NFIA: variants seen among roughly 807,000 people sequenced by gnomAD.
NFIA encodes the protein nuclear factor I A, also known as nuclear factor 1 A-type.
In NFIA, 8 loss-of-function variants were observed where a neutral mutation model predicts 62.8. That is an observed-to-expected ratio of 0.13 (90% CI 0.07 to 0.23). The LOEUF (loss-of-function observed/expected upper bound fraction) is 0.23. Among genes scored for constraint, NFIA ranks in the 10% least tolerant of loss-of-function variants. NFIA has a pLI of 1.00. For synonymous variants in NFIA, 235 were observed against 238.1 expected (o/e 0.99, Z 0.12); for missense variants, 410 against 642.1 (o/e 0.64, Z 3.91).
At chr1:61,294,633 G>A (rs1011943473) in intron 3 of NFIA, among the ~76,000 whole-genome samples, 8 of 152,210 alleles carry the variant, frequency 5.3e-5, no homozygotes, top group African/African-American at 9.6e-5. Context: ...AGTGGATTGC[G>A]AACTCCATGA....
Position 61,088,334 on chromosome 1 carries a change from G to C in NFIA, c.213G>C (p.Trp71Cys). Reference sequence around the variant, plus strand: ...AAAAACCAGAGGTCAAGCAGAAGTGGGCATCTCGACTTCTGGCAAAGTTGC... The same window carrying C: ...AAAAACCAGAGGTCAAGCAGAAGTGCGCATCTCGACTTCTGGCAAAGTTGC... ...LSEKPEVKQK[W>C]ASRLLAKLRK... The change falls in exon 2 of 11, where the codon TGG becomes TGC. Residue 71 changes from tryptophan (W) to cysteine (C), a missense_variant. Trp to Cys is a radical substitution (Grantham distance 215). This residue lies in a region of NFIA where 86 missense variants were observed against 124.6 expected (regional missense o/e 0.69). Transcript: ENST00000403491. The surrounding 1 kb of genome is among the most constrained non-coding windows in gnomAD (Gnocchi z 4.5). 6.2e-7 allele frequency: 1 copy of C among 1,613,330 alleles called. No homozygotes were observed. The highest frequency in any genetic ancestry group is 8.5e-7 in the Non-Finnish European group (1 of 1,179,882).
intron 6 of NFIA, among the ~76,000 whole-genome samples, chr1:61,371,630 C>T (rs553564103): frequency 6.6e-6 from 1 of 152,286 alleles, no homozygotes; most frequent in East Asian, 1.9e-4. Context: ...AAGCTATAGA[C>T]ATAGATAAAG....
chr1:61,295,211 G>A (rs1291615594), intron 3 of NFIA, among the ~76,000 whole-genome samples: 1 of 152,188 alleles, frequency 6.6e-6, no homozygotes, highest in Non-Finnish European at 1.5e-5. Context: ...AGAGGTGGCT[G>A]TAACTAGTCA....
chr1:61,202,170 G>A (rs566126619), intron 2 of NFIA, among the ~76,000 whole-genome samples: 2 of 152,244 alleles, frequency 1.3e-5, no homozygotes, highest in African/African-American at 4.8e-5. Flanking sequence ...TCTGGTAAGA[G>A]GGAATTAAAG....
At chr1:61,085,618 G>A (rs2100409720) in intron 1 of NFIA, among the ~76,000 whole-genome samples, 1 of 151,804 alleles carries the variant, frequency 6.6e-6, no homozygotes, top group South Asian at 2.1e-4. Context: ...TTTCTTGCAA[G>A]CTAATGATAC....
chr1:61,293,613 C>G (rs925308874), intron 3 of NFIA, among the ~76,000 whole-genome samples: 1 of 151,598 alleles, frequency 6.6e-6, no homozygotes, highest in Non-Finnish European at 1.5e-5. Context: ...AATGTGACTT[C>G]TTTGGCATCC....
At chr1:61,259,255 C>CT (rs1656607876) in intron 2 of NFIA, among the ~76,000 whole-genome samples, 1 of 152,144 alleles carries the variant, frequency 6.6e-6, no homozygotes, top group Non-Finnish European at 1.5e-5. Context: ...AAAATGTATA[C>CT]TTTTTTGTAA....
At chr1:61,113,039 T>A (rs969392039) in intron 2 of NFIA, among the ~76,000 whole-genome samples, 7 of 152,168 alleles carry the variant, frequency 4.6e-5, no homozygotes, top group Admixed American at 3.3e-4. Context: ...GAATGAAAAT[T>A]TCTCCTTAAA....
At chr1:61,327,015 T>C (rs2100380336) in intron 3 of NFIA, among the ~76,000 whole-genome samples, 1 of 140,508 alleles carries the variant, frequency 7.1e-6, no homozygotes, top group African/African-American at 2.5e-5. Flanking sequence ...GCAAGCATTC[T>C]TTCTTTTTAA....
rs1656192475 is a variant in NFIA, at chr1:61,253,683, A to G, written c.560-23837A>G. On this transcript the variant is annotated intron_variant, in intron 2 of 10. Coordinates refer to ENST00000403491, the MANE Select transcript of NFIA (RefSeq NM_001134673.4). ...GTCTGCCTTCATGAAGACAAACCCTAATAGCCAAAGGACTGAAAGTTTGCC... is the reference window on the plus strand; with the variant it reads ...GTCTGCCTTCATGAAGACAAACCCTGATAGCCAAAGGACTGAAAGTTTGCC... 2.6e-5 allele frequency among the ~76,000 whole-genome samples: 4 copies of G among 152,196 alleles called. No homozygotes were observed. In the South Asian group the frequency reaches 6.2e-4, roughly 24 times the overall value.
chr1:61,142,131 C>T (rs1447442647), intron 2 of NFIA, among the ~76,000 whole-genome samples: 1 of 151,974 alleles, frequency 6.6e-6, no homozygotes, highest in Non-Finnish European at 1.5e-5. Context: ...CATGCTAATG[C>T]ATGCATTTAG....
Position 61,460,256 on chromosome 1 carries a change from A to G in NFIA, c.*4936A>G, listed in dbSNP as rs147439538. On this transcript the variant is annotated 3_prime_UTR_variant, in exon 11 of 11. Coordinates refer to ENST00000403491, the MANE Select transcript of NFIA (RefSeq NM_001134673.4). The stretch of plus-strand genomic sequence containing the variant: ...TGCATTCGTCTAATTAGCGTCGTGT[A>G]TGTTTTCCTTTTATTTTTTCCAATA... 2.0e-5 allele frequency: 3 copies of G among 152,334 alleles called. No individual in the cohort carries two copies. Among genetic ancestry groups the G allele is most frequent in the Middle Eastern group, 6.8e-3 (2 of 294 alleles). 9.4% of individuals were successfully genotyped at this position (152,334 alleles called of 1,614,324 possible).
chr1:61,158,589 G>A (rs2100532016), intron 2 of NFIA, among the ~76,000 whole-genome samples: 1 of 152,252 alleles, frequency 6.6e-6, no homozygotes, highest in South Asian at 2.1e-4. Flanking sequence ...CAGTATTCTG[G>A]TTTCTATTTA....
intron 4 of NFIA, among the ~76,000 whole-genome samples, chr1:61,349,514 C>T (rs1335121145): frequency 2.6e-5 from 4 of 152,142 alleles, no homozygotes; most frequent in Non-Finnish European, 5.9e-5. Context: ...ATCCCATACT[C>T]CCCTGTTCCC....
chr1:61,420,888 C>T (rs1256270091), intron 9 of NFIA, among the ~76,000 whole-genome samples: 2 of 152,148 alleles, frequency 1.3e-5, no homozygotes, highest in East Asian at 1.9e-4. Flanking sequence ...GCTTCTTGCC[C>T]GTCATTTTCA....
At chr1:61,373,695 A>G (rs941365041) in intron 6 of NFIA, among the ~76,000 whole-genome samples, 2 of 152,136 alleles carry the variant, frequency 1.3e-5, no homozygotes, top group African/African-American at 4.8e-5. Context: ...CCAAGCTTGA[A>G]CACTGAGTTA....
chr1:61,422,642 G>T (rs1259605232), intron 9 of NFIA, among the ~76,000 whole-genome samples: 1 of 151,754 alleles, frequency 6.6e-6, no homozygotes, highest in East Asian at 1.9e-4. Flanking sequence ...ATGATAAACA[G>T]CAGTGCTTGG....
intron 2 of NFIA, among the ~76,000 whole-genome samples, chr1:61,232,524 C>T (rs1447342774): frequency 1.3e-5 from 2 of 152,160 alleles, no homozygotes; most frequent in African/African-American, 4.8e-5. Flanking sequence ...ACCACATCAT[C>T]CAGTATTCTG....
At chr1:61,112,447 G>A (rs1373244264) in intron 2 of NFIA, among the ~76,000 whole-genome samples, 1 of 152,140 alleles carries the variant, frequency 6.6e-6, no homozygotes, top group Non-Finnish European at 1.5e-5. Flanking sequence ...GTAGATAAGT[G>A]TGTGCATTTG....
Sources: allele counts gnomAD v4.1 joint callset (sites outside exome capture counted in the v4.1 genomes callset), GRCh38; gene constraint gnomAD v4.1.1; regional missense constraint gnomAD v4.1.1; non-coding constraint Gnocchi (gnomAD v3.1); transcripts MANE v1.5; gene names NCBI Gene and HGNC (gene_info 2026-07-23, HGNC 2026-07-21).